The following SCOC variants were observed in gnomAD, a reference collection of about 807,000 sequenced individuals.
SCOC encodes short coiled coil protein.
A neutral mutation model predicts 9.9 loss-of-function variants in SCOC; 7 were observed. That is an observed-to-expected ratio of 0.71 (90% CI 0.40 to 1.33). SCOC has a LOEUF of 1.33. Ranked by LOEUF, SCOC falls within the 40% of genes most tolerant of loss-of-function variation. The pLI, the probability that SCOC is intolerant of heterozygous loss-of-function variation, is 0.01. For missense variants in SCOC, 66 were observed against 89.7 expected, an observed-to-expected ratio of 0.74 and a Z score of 1.07; for synonymous variants, 19 against 28.2, an observed-to-expected ratio of 0.67 and a Z score of 1.03.
chr4:140,324,474 A>C (rs1468924377), intron 1 of SCOC, among the ~76,000 whole-genome samples: 8 of 152,072 alleles, frequency 5.3e-5, no homozygotes, highest in Non-Finnish European at 1.2e-4. Context: ...TATACAAAAC[A>C]CTCCGAGAAC....
chr4:140,357,725 G>T (rs1050221190), intron 2 of SCOC, among the ~76,000 whole-genome samples: 1 of 152,176 alleles, frequency 6.6e-6, no homozygotes, highest in Non-Finnish European at 1.5e-5. Context: ...ATGCCACTTT[G>T]TCAAAATGGT....
intron 1 of SCOC, among the ~76,000 whole-genome samples, chr4:140,318,568 A>C (rs1222351899): frequency 4.2e-5 from 5 of 119,056 alleles, no homozygotes; most frequent in African/African-American, 7.9e-5. Context: ...ATCATTAAAA[A>C]GTCAGGAAAC....
intron 2 of SCOC, among the ~76,000 whole-genome samples, chr4:140,354,644 C>T (rs894026565): frequency 2.7e-5 from 4 of 147,908 alleles, no homozygotes; most frequent in African/African-American, 7.5e-5. Flanking sequence ...GAAAGGAATT[C>T]GACAAATTCG....
chr4:140,340,122 T>TA (rs535250760), upstream of SCOC, among the ~76,000 whole-genome samples: 117 of 152,234 alleles, frequency 7.7e-4, 1 homozygote, highest in Admixed American at 2.9e-3. Context: ...TATGCAGCCA[T>TA]AAAAATGATG....
chr4:140,379,759 TGA>T, intron 3 of SCOC, 107 bp downstream of exon 3: 2 of 760,856 alleles, frequency 2.6e-6, no homozygotes, highest in South Asian at 3.4e-5. Context: ...TTTAAAAGAA[TGA>T]ACTTCAAAGT....
At chr4:140,295,397 T>C (rs1438631051) in intron 1 of SCOC, among the ~76,000 whole-genome samples, 1 of 152,216 alleles carries the variant, frequency 6.6e-6, no homozygotes, top group South Asian at 2.1e-4. Context: ...ACCTCTGCCA[T>C]ACTTGGCCAT....
At chr4:140,374,245 C>T (rs539678272) in intron 1 of SCOC, 20 of 445,092 alleles carry the variant, frequency 4.5e-5, no homozygotes, top group Non-Finnish European at 8.1e-5. Flanking sequence ...ATCGTCTTCT[C>T]CCCCAGAGTC....
intron 1 of SCOC, among the ~76,000 whole-genome samples, chr4:140,260,506 A>G (rs980720926): frequency 6.6e-6 from 1 of 152,226 alleles, no homozygotes; most frequent in Non-Finnish European, 1.5e-5. Context: ...TAAAAGATCT[A>G]TCATATGCTC....
At chr4:140,360,606 T>A (rs936533603) in intron 2 of SCOC, 2 of 152,312 alleles carry the variant, frequency 1.3e-5, no homozygotes, top group African/African-American at 4.8e-5. Flanking sequence ...AAAGGCAATG[T>A]GGAAATCCAG....
chr4:140,336,589 T>C (rs987724408), intron 1 of SCOC, among the ~76,000 whole-genome samples: 1 of 152,224 alleles, frequency 6.6e-6, no homozygotes, highest in African/African-American at 2.4e-5. Context: ...TGATATTCCA[T>C]TGAATGTACG....
chr4:140,317,398 T>C (rs1033990451), intron 1 of SCOC, among the ~76,000 whole-genome samples: 1 of 152,128 alleles, frequency 6.6e-6, no homozygotes, highest in African/African-American at 2.4e-5. Flanking sequence ...ATTTCAGACA[T>C]TGTATGGAAA....
intron 1 of SCOC, among the ~76,000 whole-genome samples, chr4:140,269,214 A>C (rs1273558055): frequency 6.6e-6 from 1 of 152,208 alleles, no homozygotes; most frequent in Non-Finnish European, 1.5e-5. Context: ...TCCTCCTATG[A>C]AAATGAGGGA....
At chr4:140,374,378 C>G (rs933242385) in intron 1 of SCOC, 4 of 317,988 alleles carry the variant, frequency 1.3e-5, no homozygotes, top group Non-Finnish European at 2.5e-5. Context: ...AGGACAGATG[C>G]CATTCCAGGT....
intron 2 of SCOC, among the ~76,000 whole-genome samples, chr4:140,367,541 G>A (rs1293155421): frequency 6.6e-6 from 1 of 151,860 alleles, no homozygotes; most frequent in South Asian, 2.1e-4. Flanking sequence ...TGCCATGCCT[G>A]GCTAATTTTT....
At chr4:140,287,164 T>C (rs1013722687) in intron 1 of SCOC, among the ~76,000 whole-genome samples, 2 of 150,580 alleles carry the variant, frequency 1.3e-5, no homozygotes, top group African/African-American at 4.9e-5. Context: ...ACCATGTACA[T>C]ACATATACCA....
At chr4:140,321,044 G>A (rs1227982370) in intron 1 of SCOC, among the ~76,000 whole-genome samples, 1 of 152,182 alleles carries the variant, frequency 6.6e-6, no homozygotes, top group Non-Finnish European at 1.5e-5. Context: ...GGAGGATAGT[G>A]CAAAGGGGAG....
At chr4:140,281,731 C>G (rs1285368082) in intron 1 of SCOC, among the ~76,000 whole-genome samples, 1 of 152,186 alleles carries the variant, frequency 6.6e-6, no homozygotes, top group Admixed American at 6.5e-5. Flanking sequence ...GAGCCTTCTC[C>G]TTGCCACCTC....
At chr4:140,278,784 C>T (rs879590242) in intron 1 of SCOC, among the ~76,000 whole-genome samples, 40 of 152,150 alleles carry the variant, frequency 2.6e-4, no homozygotes, top group Admixed American at 7.2e-4. Context: ...CAACTATCTC[C>T]ACTCCCTGCC....
At chr4:140,328,129 A>C (rs1016837343) in intron 1 of SCOC, among the ~76,000 whole-genome samples, 8 of 152,200 alleles carry the variant, frequency 5.3e-5, no homozygotes, top group African/African-American at 1.9e-4. Flanking sequence ...CTGAGAAGAA[A>C]GCTTAGCACA....
Sources: gnomAD v4.1 joint callset for allele counts (sites outside exome capture counted in the v4.1 genomes callset) on GRCh38, gnomAD v4.1.1 for gene constraint, MANE v1.5 for transcripts, NCBI Gene and HGNC (gene_info 2026-07-23, HGNC 2026-07-21) for gene names.